Variants in PDE12 observed in about 807,000 individuals in gnomAD.
The protein encoded by PDE12 is phosphodiesterase 12.
In PDE12, 26 loss-of-function variants were observed where a neutral mutation model predicts 45.4. That is an observed-to-expected ratio of 0.57 (90% CI 0.42 to 0.79). The LOEUF (loss-of-function observed/expected upper bound fraction) is 0.79, where lower values mean the gene tolerates loss of function less well. PDE12 is among the 30% of genes least tolerant of loss of function. The pLI is 0.00. For synonymous variants in PDE12, 283 were observed against 323.9 expected (o/e 0.87, Z 1.36); for missense variants, 668 against 790.0 (o/e 0.85, Z 1.85).
the PDE12 span, among the ~76,000 whole-genome samples, chr3:57,591,569 G>A: frequency 6.6e-6 from 1 of 151,600 alleles, no homozygotes; most frequent in Non-Finnish European, 1.5e-5. Context: ...CGGGTTCAAG[G>A]GATTCTCGTG....
At chr3:57,579,286 C>T in the PDE12 span, among the ~76,000 whole-genome samples, 6 of 129,292 alleles carry the variant, frequency 4.6e-5, no homozygotes, top group Non-Finnish European at 8.0e-5. Flanking sequence ...AACTAGATTA[C>T]ATCCACTAAG....
Position 57,562,760 on chromosome 3 carries a change from T to A in PDE12, c.*2756T>A, listed in dbSNP as rs1261842693. On this transcript the variant is annotated 3_prime_UTR_variant, in exon 3 of 3. Coordinates refer to ENST00000311180, the MANE Select transcript of PDE12 (RefSeq NM_177966.7). ...TGCACAGTTGCCGCTACAGCAAATG[T>A]GTCTGCCAATAATCAAAATTCATGA... 1 of 152,254 alleles carries A rather than the reference T, an allele frequency of 6.6e-6. No homozygotes were observed. Among genetic ancestry groups the A allele is most frequent in the Admixed American group, 6.5e-5 (1 of 15,288 alleles). 9.4% of individuals were successfully genotyped at this position (152,254 alleles called of 1,614,324 possible).
the PDE12 span, among the ~76,000 whole-genome samples, chr3:57,625,068 T>C: frequency 6.6e-6 from 1 of 152,110 alleles, no homozygotes; most frequent in Admixed American, 6.5e-5. Flanking sequence ...CATGCTCTGC[T>C]AATTTTTTGA....
the PDE12 span, among the ~76,000 whole-genome samples, chr3:57,585,098 A>C: frequency 1.3e-5 from 2 of 152,128 alleles, no homozygotes; most frequent in Non-Finnish European, 1.5e-5. Flanking sequence ...TCCTGGCCTC[A>C]AGTGATCTGC....
At position 57,557,262 on chromosome 3, in the gene PDE12, A is replaced by G; in HGVS notation, c.883A>G (p.Ile295Val). 6.2e-7 allele frequency: 1 copy of G among 1,613,908 alleles called. No individual in the cohort carries two copies. Among genetic ancestry groups the G allele is most frequent in the African/African-American group, 1.3e-5 (1 of 75,010 alleles). Residue 295 changes from isoleucine to valine, a missense_variant, in exon 1 of 3, where the codon ATC (isoleucine) becomes GTC (valine). By Grantham distance (29) the Ile-to-Val change is conservative. This residue lies in a region of PDE12 where 580 missense variants were observed against 662.9 expected (regional missense o/e 0.87). Coordinates refer to ENST00000311180, the MANE Select transcript of PDE12 (RefSeq NM_177966.7). ...GAAGAAGGTGACTGAGGACGCTCTC[A>G]TCCGCACTGTCTCTTACAACATCCT... ...YTKKVTEDAL[I>V]RTVSYNILAD...
At chr3:57,652,381 G>C in the PDE12 span, among the ~76,000 whole-genome samples, 2 of 152,094 alleles carry the variant, frequency 1.3e-5, no homozygotes, top group African/African-American at 4.8e-5. Context: ...CAAGCTGTGC[G>C]AGTAAGCCTT....
chr3:57,616,478 AAGAAAG>A, the PDE12 span, among the ~76,000 whole-genome samples: 1 of 140,142 alleles, frequency 7.1e-6, no homozygotes, highest in Non-Finnish European at 1.5e-5. Flanking sequence ...AAGAAGGAAG[AAGAAAG>A]AAGGAGGAAG....
At chr3:57,643,341 G>A in the PDE12 span, among the ~76,000 whole-genome samples, 1 of 152,108 alleles carries the variant, frequency 6.6e-6, no homozygotes, top group Non-Finnish European at 1.5e-5. Context: ...AATTCAGTTT[G>A]CACATGTTTA....
chr3:57,584,150 A>G, the PDE12 span: 1 of 709,348 alleles, frequency 1.4e-6, no homozygotes, highest in South Asian at 2.0e-5. Flanking sequence ...ATCAACAGAG[A>G]CAAGGCCTCA....
At chr3:57,633,618 G>A in the PDE12 span, among the ~76,000 whole-genome samples, 1 of 152,180 alleles carries the variant, frequency 6.6e-6, no homozygotes, top group East Asian at 1.9e-4. Context: ...GCTGGGCACC[G>A]TGGCTCACGT....
At chr3:57,610,540 C>G in the PDE12 span, among the ~76,000 whole-genome samples, 1 of 152,124 alleles carries the variant, frequency 6.6e-6, no homozygotes, top group Non-Finnish European at 1.5e-5. Flanking sequence ...AGCAAAGTCT[C>G]AGGATACAAA....
At chr3:57,639,431 G>A in the PDE12 span, among the ~76,000 whole-genome samples, 1 of 152,170 alleles carries the variant, frequency 6.6e-6, no homozygotes, top group Non-Finnish European at 1.5e-5. Context: ...ACATCTAGCA[G>A]AGAGACTTCT....
Position 57,560,302 on chromosome 3 carries a change from G to GT in PDE12, c.*304dup. The GT allele has an allele frequency of 8.8e-7, 1 of 1,139,210 alleles. No homozygotes were observed. The highest frequency in any genetic ancestry group is 1.1e-6 in the Non-Finnish European group (1 of 927,638). 70.6% of individuals were successfully genotyped at this position (1,139,210 alleles called of 1,614,324 possible). A position where few individuals can be genotyped will look rare whatever the true frequency, so the allele number is the denominator to read the frequency against. The stretch of plus-strand genomic sequence containing the variant: ...CAGAAAAGGAAGATTGAATTAGCGT[G>GT]TTTTTTGTTTGTTTGTTTTTGTTTT... On this transcript the variant is annotated 3_prime_UTR_variant, in exon 3 of 3. Transcript: ENST00000311180.
chr3:57,610,566 TCA>T, the PDE12 span, among the ~76,000 whole-genome samples: 1 of 151,982 alleles, frequency 6.6e-6, no homozygotes, highest in Non-Finnish European at 1.5e-5. Flanking sequence ...TATGCAAAAA[TCA>T]CAAACATTCT....
chr3:57,572,450 T>C, the PDE12 span: 31 of 593,612 alleles, frequency 5.2e-5, no homozygotes, highest in East Asian at 7.5e-4. Flanking sequence ...CTGGGCGTGG[T>C]GGCTCACACC....
At chr3:57,641,286 AAAT>A in the PDE12 span, among the ~76,000 whole-genome samples, 4 of 143,918 alleles carry the variant, frequency 2.8e-5, no homozygotes, top group South Asian at 8.4e-4. Flanking sequence ...ATATATATTT[AAAT>A]ATTATATATT....
the PDE12 span, among the ~76,000 whole-genome samples, chr3:57,578,534 C>T: frequency 2.0e-5 from 3 of 151,416 alleles, no homozygotes; most frequent in African/African-American, 7.3e-5. Context: ...CCTAGGAGCA[C>T]AGTAGCACAA....
the PDE12 span, among the ~76,000 whole-genome samples, chr3:57,623,376 T>C: frequency 6.6e-6 from 1 of 152,100 alleles, no homozygotes; most frequent in Non-Finnish European, 1.5e-5. Flanking sequence ...CCTACTGAAG[T>C]ATAAAAATTC....
chr3:57,616,291 T>C, the PDE12 span, among the ~76,000 whole-genome samples: 29 of 151,808 alleles, frequency 1.9e-4, no homozygotes, highest in African/African-American at 6.8e-4. Flanking sequence ...ACCACTGTAG[T>C]AGCCTGGGCT....
Sources: allele counts gnomAD v4.1 joint callset (sites outside exome capture counted in the v4.1 genomes callset), GRCh38; gene constraint gnomAD v4.1.1; regional missense constraint gnomAD v4.1.1; transcripts MANE v1.5; gene names NCBI Gene and HGNC (gene_info 2026-07-23, HGNC 2026-07-21).